The following ZFPM2 variants were observed in gnomAD, a reference collection of about 807,000 sequenced individuals.
ZFPM2 encodes zinc finger protein, FOG family member 2, also known as zinc finger protein ZFPM2.
In ZFPM2, 20 loss-of-function variants were observed where a neutral mutation model predicts 98.6. The ratio of observed to expected loss-of-function variants is 0.20; its 90% CI spans 0.14 to 0.29. The LOEUF (loss-of-function observed/expected upper bound fraction) is 0.29. ZFPM2 is among the 10% of genes least tolerant of loss of function. The probability of loss-of-function intolerance (pLI) is 1.00; values close to 1 mark genes in which losing one functional copy is unlikely to be tolerated. For synonymous variants in ZFPM2, 518 were observed against 502.7 expected (o/e 1.03, Z -0.41); for missense variants, 1,310 against 1,388.6 (o/e 0.94, Z 0.90).
At chr8:105,390,874 T>C (rs1284794150) in intron 1 of ZFPM2, among the ~76,000 whole-genome samples, 1 of 152,156 alleles carries the variant, frequency 6.6e-6, no homozygotes, top group Non-Finnish European at 1.5e-5. Context: ...TGCAGACTGA[T>C]ATGAAGGAGA....
intron 4 of ZFPM2, among the ~76,000 whole-genome samples, chr8:105,580,105 G>A (rs138552185): frequency 1.3e-5 from 2 of 152,116 alleles, no homozygotes; most frequent in Admixed American, 6.5e-5. Context: ...AGATTAGTGT[G>A]TAAGGATTTT....
Position 105,670,960 on chromosome 8 carries a change from A to G in ZFPM2, c.532+36603A>G, listed in dbSNP as rs1407990820. Among the ~76,000 whole-genome samples, 58 of 152,138 alleles carry G rather than the reference A, an allele frequency of 3.8e-4. 1 individual carries two copies. Among genetic ancestry groups the G allele is most frequent in the Non-Finnish European group, 8.8e-5 (6 of 68,008 alleles). On this transcript the variant is annotated intron_variant, in intron 5 of 7. Transcript: ENST00000407775. ...TTTTTTAATTTCTGAATAATATACT[A>G]TATATGGAAAGGCCAAAATTTGCTT...
At chr8:105,550,107 A>T (rs1466991254) in intron 3 of ZFPM2, among the ~76,000 whole-genome samples, 2 of 152,134 alleles carry the variant, frequency 1.3e-5, no homozygotes, top group African/African-American at 2.4e-5. Flanking sequence ...TTGGGACAGA[A>T]ATGTAAAATG....
At chr8:105,387,249 C>T (rs1275148696) in intron 1 of ZFPM2, 1 of 153,656 alleles carries the variant, frequency 6.5e-6, no homozygotes, top group East Asian at 1.9e-4. Context: ...CCACCAGACT[C>T]AGGAGCCCAG....
At chr8:105,359,367 C>CT (rs111675257) in intron 1 of ZFPM2, among the ~76,000 whole-genome samples, 55,448 of 135,344 alleles carry the variant, frequency 0.41, 12,563 homozygotes, top group Middle Eastern at 0.54. Context: ...CTTTTTCTTT[C>CT]TTTTTTTTTT....
chr8:105,708,909 C>T (rs1174299567), intron 5 of ZFPM2, among the ~76,000 whole-genome samples: 1 of 152,178 alleles, frequency 6.6e-6, no homozygotes, highest in East Asian at 1.9e-4. Flanking sequence ...GTAAAATCAT[C>T]CAAGGTTTCT....
At chr8:105,661,309 G>C (rs1341072957) in intron 5 of ZFPM2, among the ~76,000 whole-genome samples, 1 of 152,080 alleles carries the variant, frequency 6.6e-6, no homozygotes, top group South Asian at 2.1e-4. Context: ...GAATTTGGAG[G>C]TTTTTCATGG....
intron 3 of ZFPM2, among the ~76,000 whole-genome samples, chr8:105,533,591 A>G (rs1183058407): frequency 6.6e-6 from 1 of 152,024 alleles, no homozygotes; most frequent in Non-Finnish European, 1.5e-5. Context: ...AGAGAACCCT[A>G]TATACTAACT....
At chr8:105,708,318 A>C (rs948837084) in intron 5 of ZFPM2, among the ~76,000 whole-genome samples, 2 of 152,194 alleles carry the variant, frequency 1.3e-5, no homozygotes, top group African/African-American at 4.8e-5. Flanking sequence ...TAATAAAGAT[A>C]TCTAATTGTG....
rs553443634 is a variant in ZFPM2 at position 105,803,156 on chromosome 8, C to G, written c.3074C>G (p.Ala1025Gly). Reference sequence around the variant, plus strand: ...GGCCAGGCTTCCTCAAATGGGTGTGCTGCGCTGAAGAAAGATTCTCTGCCA... The same window carrying G: ...GGCCAGGCTTCCTCAAATGGGTGTGGTGCGCTGAAGAAAGATTCTCTGCCA... The part of the protein sequence containing the change: ...PKGQASSNGC[A>G]ALKKDSLPLL... The change falls in exon 8 of 8, where the codon GCT becomes GGT. Residue 1025 changes from alanine to glycine, a missense_variant. Transcript: ENST00000407775. The G allele has an allele frequency of 9.3e-6, 15 of 1,613,902 alleles. No homozygotes were observed. In the South Asian group the frequency reaches 1.5e-4, roughly 17 times the overall value.
intron 5 of ZFPM2, chr8:105,669,949 T>G (rs1451319163): frequency 6.6e-6 from 1 of 152,166 alleles, no homozygotes. Flanking sequence ...TTTGAGAGCA[T>G]GCAAGCCTGT....
intron 7 of ZFPM2, among the ~76,000 whole-genome samples, chr8:105,800,840 A>C (rs1196698524): frequency 2.0e-5 from 3 of 152,192 alleles, no homozygotes; most frequent in Non-Finnish European, 4.4e-5. Context: ...CATAATATTC[A>C]TGAAAGTACT....
intron 4 of ZFPM2, among the ~76,000 whole-genome samples, chr8:105,606,394 A>G (rs977078724): frequency 5.3e-5 from 8 of 151,764 alleles, no homozygotes; most frequent in African/African-American, 1.9e-4. Context: ...TAGTATGGTG[A>G]TGGAGAGCTC....
intron 5 of ZFPM2, among the ~76,000 whole-genome samples, chr8:105,720,373 C>T (rs766946013): frequency 6.6e-6 from 1 of 151,682 alleles, no homozygotes; most frequent in Non-Finnish European, 1.5e-5. Context: ...TGATGAATTC[C>T]CTTGCTATCT....
intron 5 of ZFPM2, among the ~76,000 whole-genome samples, chr8:105,742,700 T>G (rs1349855119): frequency 2.0e-5 from 3 of 152,086 alleles, no homozygotes; most frequent in Admixed American, 2.0e-4. Flanking sequence ...AAGACCAGCC[T>G]GACCAACATG....
intron 3 of ZFPM2, among the ~76,000 whole-genome samples, chr8:105,452,992 A>G (rs545731823): frequency 6.6e-6 from 1 of 152,298 alleles, no homozygotes; most frequent in African/African-American, 2.4e-5. Context: ...CTTAAAATAT[A>G]AGTAAAGATC....
At position 105,801,177 on chromosome 8, in the gene ZFPM2, T is replaced by C. The variant is rs1263019914; in HGVS notation, c.1095T>C (p.Cys365=). The C allele has an allele frequency of 2.5e-6, 4 of 1,613,866 alleles. No homozygotes were observed. Among genetic ancestry groups the C allele is most frequent in the Non-Finnish European group, 1.7e-6 (2 of 1,179,892 alleles). Residue 365 remains cysteine, a synonymous_variant, in exon 8 of 8, where the codon TGT becomes TGC. Coordinates refer to ENST00000407775, the MANE Select transcript of ZFPM2 (RefSeq NM_012082.4). The stretch of plus-strand genomic sequence containing the variant: ...ATCTCACTCAAGCTGCCTTCCGATG[T>C]AATCACTGCCATTTCGGCTTCCAGA... ...FSHLTQAAFR[C]NHCHFGFQTQ...
intron 5 of ZFPM2, among the ~76,000 whole-genome samples, chr8:105,731,269 A>C (rs1466064719): frequency 6.6e-6 from 1 of 151,000 alleles, no homozygotes; most frequent in Non-Finnish European, 1.5e-5. Flanking sequence ...TCCTTTTTCC[A>C]CTCCATGCCA....
intron 3 of ZFPM2, among the ~76,000 whole-genome samples, chr8:105,503,957 C>A (rs1194643328): frequency 6.6e-6 from 1 of 152,158 alleles, no homozygotes; most frequent in East Asian, 1.9e-4. Context: ...TTTGTGGCAT[C>A]ATTTGAACCC....
Sources: allele counts gnomAD v4.1 joint callset (sites outside exome capture counted in the v4.1 genomes callset), GRCh38; gene constraint gnomAD v4.1.1; transcripts MANE v1.5; gene names NCBI Gene and HGNC (gene_info 2026-07-23, HGNC 2026-07-21).